Variants in TM2D3 observed in about 807,000 individuals in gnomAD.
The protein encoded by TM2D3 is TM2 domain-containing protein 3.
TM2D3 carries 33 observed loss-of-function variants against 27.3 expected under a neutral mutation model. The ratio of observed to expected loss-of-function variants is 1.21; its 90% CI spans 0.92 to 1.61. TM2D3 has a LOEUF of 1.61. TM2D3 is among the 40% of genes most tolerant of loss of function. TM2D3 has a pLI of 0.00. For synonymous variants in TM2D3, 138 were observed against 122.2 expected, an observed-to-expected ratio of 1.13 and a Z score of -0.85; for missense variants, 364 against 320.8, an observed-to-expected ratio of 1.13 and a Z score of -1.03.
downstream of TM2D3, among the ~76,000 whole-genome samples, chr15:101,640,554 A>G (rs1896643233): frequency 1.3e-5 from 2 of 152,256 alleles, no homozygotes; most frequent in Admixed American, 1.3e-4. Flanking sequence ...TTTTGCTGCC[A>G]GCAGAGGCCC....
intron 3 of TM2D3, among the ~76,000 whole-genome samples, chr15:101,648,470 G>T (rs543789873): frequency 2.6e-5 from 4 of 152,200 alleles, no homozygotes; most frequent in Admixed American, 6.5e-5. Flanking sequence ...TTTTTTAATG[G>T]TTTTTTAAAA....
chr15:101,633,661 CT>C, exon 5 of TM2D3: 2 of 1,531,516 alleles, frequency 1.3e-6, no homozygotes, highest in Non-Finnish European at 1.7e-6. Flanking sequence ...AAAAATCCAC[CT>C]TTTTCAGGGT....
At chr15:101,640,216 T>C (rs951924809), downstream of TM2D3, among the ~76,000 whole-genome samples, 4 of 152,182 alleles carry the variant, frequency 2.6e-5, no homozygotes, top group African/African-American at 9.7e-5. Context: ...ACCACTGTAA[T>C]GATGGTATCA....
downstream of TM2D3, among the ~76,000 whole-genome samples, chr15:101,641,175 T>C (rs949026768): frequency 1.3e-5 from 2 of 152,192 alleles, no homozygotes; most frequent in African/African-American, 4.8e-5. Context: ...GTTTAACGGA[T>C]ACAAAAAGTG....
intron 4 of TM2D3, 167 bp from the exon 5 acceptor site, chr15:101,645,329 G>C (rs1382686084): frequency 2.1e-5 from 13 of 614,252 alleles, no homozygotes; most frequent in Non-Finnish European, 5.6e-6. Flanking sequence ...CTACATAGAT[G>C]TAATATTTAA....
chr15:101,633,519 G>C, exon 5 of TM2D3: 1 of 524,496 alleles, frequency 1.9e-6, no homozygotes, highest in Non-Finnish European at 3.3e-6. Context: ...CACAGATTTT[G>C]CAATGTGTTC....
chr15:101,651,433 T>G, intron 2 of TM2D3: 1 of 419,382 alleles, frequency 2.4e-6, no homozygotes, highest in Non-Finnish European at 4.3e-6. Context: ...TTTTGATGGA[T>G]GAAGTGGAAA....
rs921540794 is a variant in TM2D3, at chr15:101,645,254, GA to G, written c.503-93del. On this transcript the variant is annotated intron_variant, in intron 4 of 5. Transcript: ENST00000333202. ...CAAATGGGCTCAAAATTTAAAATGTGAAAAGTCAACTCTCTTTACGGTAATA... is the reference window on the plus strand; with the variant it reads ...CAAATGGGCTCAAAATTTAAAATGTGAAAGTCAACTCTCTTTACGGTAATA... The G allele has an allele frequency of 7.4e-5, 81 of 1,097,838 alleles. No individual in the cohort carries two copies. In the Admixed American group the frequency reaches 2.0e-3, roughly 27 times the overall value. 68.0% of individuals were successfully genotyped at this position (1,097,838 alleles called of 1,614,324 possible).
At position 101,633,678 on chromosome 15, in the gene TM2D3, CA is replaced by C; in HGVS notation, c.550del (p.Ter184AspfsTer10). On this transcript the variant is annotated frameshift_variant and stop_lost, in exon 5 of 5. Coordinates refer to the TM2D3 transcript ENST00000428002. LOFTEE classifies it high-confidence loss of function. ...AAATCCACCTTTTTCAGGGTGATGT[CA>C]ATGAAGTCCAACAGTGAGCTGAACA... is the stretch of plus-strand genomic sequence containing the variant. 1 of 1,533,134 alleles carries C rather than the reference CA, an allele frequency of 6.5e-7. No individual in the cohort carries two copies. The highest frequency in any genetic ancestry group is 8.7e-7 in the Non-Finnish European group (1 of 1,144,966). The allele number at this position is 1,533,134 out of a possible 1,614,324, so 95.0% of individuals were successfully genotyped here. A position where few individuals can be genotyped will look rare whatever the true frequency, so the allele number is the denominator to read the frequency against.
At chr15:101,649,691 C>T (rs1896917832) in intron 3 of TM2D3, among the ~76,000 whole-genome samples, 1 of 152,196 alleles carries the variant, frequency 6.6e-6, no homozygotes, top group South Asian at 2.1e-4. Flanking sequence ...TCCATCTGAA[C>T]GAATTAGACT....
At chr15:101,637,260 C>T (rs1041897580), downstream of TM2D3, among the ~76,000 whole-genome samples, 1 of 152,206 alleles carries the variant, frequency 6.6e-6, no homozygotes, top group East Asian at 1.9e-4. Context: ...GACCAAGGTT[C>T]TTATCATGCA....
chr15:101,646,609 G>T, intron 4 of TM2D3, 116 bp downstream of exon 4: 1 of 1,087,676 alleles, frequency 9.2e-7, no homozygotes, highest in Non-Finnish European at 1.4e-6. Flanking sequence ...CATCTAAAGA[G>T]CTGCTGATAA....
intron 4 of TM2D3, chr15:101,633,965 C>G: frequency 2.6e-6 from 1 of 389,312 alleles, no homozygotes; most frequent in Non-Finnish European, 4.6e-6. Flanking sequence ...ATTACTAACA[C>G]TCTTAATACA....
downstream of TM2D3, among the ~76,000 whole-genome samples, chr15:101,639,355 G>T (rs943082515): frequency 2.0e-5 from 3 of 149,188 alleles, no homozygotes; most frequent in Admixed American, 6.7e-5. Context: ...AGGAGCGGAG[G>T]AATCTGCCTC....
downstream of TM2D3, among the ~76,000 whole-genome samples, chr15:101,637,522 G>A (rs1457813858): frequency 6.6e-6 from 1 of 152,198 alleles, no homozygotes; most frequent in South Asian, 2.1e-4. Context: ...CCAGAGTCAG[G>A]TTGGAAAGTA....
chr15:101,642,821 A>G (rs753080799), intron 5 of TM2D3, among the ~76,000 whole-genome samples, 177 bp from the exon 6 acceptor site: 3 of 152,216 alleles, frequency 2.0e-5, no homozygotes, highest in Non-Finnish European at 2.9e-5. Flanking sequence ...TACGGGCAGG[A>G]AGACAGTTTA....
At position 101,646,852 on chromosome 15, in the gene TM2D3, G is replaced by A. The variant is rs1235668734; in HGVS notation, c.375C>T (p.Cys125=). The A allele has an allele frequency of 6.2e-7, 1 of 1,614,158 alleles. No individual in the cohort carries two copies. Among genetic ancestry groups the A allele is most frequent in the East Asian group, 2.2e-5 (1 of 44,888 alleles). Residue 125 remains cysteine (C), a synonymous_variant, in exon 4 of 6, where the codon TGC becomes TGT. Transcript: ENST00000333202. The part of the protein sequence containing the change: ...SQKNFIINMT[C]RFCWQLPETD... ...TTTCAGGAAGCTGCCAGCAAAATCT[G>A]CAAGTCATGTTAATGATGAAGTTCT...
chr15:101,650,347 C>G (rs1896936945), intron 2 of TM2D3, 186 bp from the exon 3 acceptor site: 2 of 535,360 alleles, frequency 3.7e-6, no homozygotes, highest in African/African-American at 1.9e-5. Flanking sequence ...AGCTGTGGGA[C>G]CTGGTGAGCA....
chr15:101,639,346 G>A (rs1469362521), downstream of TM2D3, among the ~76,000 whole-genome samples: 1 of 151,084 alleles, frequency 6.6e-6, no homozygotes, highest in East Asian at 1.9e-4. Context: ...CTTTAGAGCA[G>A]GAGCGGAGGA....
Sources: gnomAD v4.1 joint callset for allele counts (sites outside exome capture counted in the v4.1 genomes callset) on GRCh38, gnomAD v4.1.1 for gene constraint, MANE v1.5 for transcripts, NCBI Gene and HGNC (gene_info 2026-07-23, HGNC 2026-07-21) for gene names.